EYA4: variants seen among roughly 807,000 people sequenced by gnomAD.
EYA4 encodes the protein protein phosphatase EYA4.
In EYA4, 31 loss-of-function variants were observed where a neutral mutation model predicts 87.9. The observed-to-expected ratio is 0.35, with a 90% confidence interval of 0.27 to 0.48. The LOEUF is 0.48. Ranked by LOEUF, EYA4 falls within the 20% of genes least tolerant of loss-of-function variation. EYA4 has a pLI of 0.99. For synonymous variants in EYA4, 263 were observed against 270.6 expected, an observed-to-expected ratio of 0.97 and a Z score of 0.28; for missense variants, 678 against 761.4, an observed-to-expected ratio of 0.89 and a Z score of 1.29.
At chr6:133,332,764 A>G (rs1017857938) in intron 2 of EYA4, among the ~76,000 whole-genome samples, 4 of 133,738 alleles carry the variant, frequency 3.0e-5, no homozygotes, top group Non-Finnish European at 6.2e-5. Flanking sequence ...GGGTTTCACC[A>G]TGTTGGCCAG....
chr6:133,474,686 G>A (rs1562463257), intron 11 of EYA4, among the ~76,000 whole-genome samples: 1 of 152,030 alleles, frequency 6.6e-6, no homozygotes, highest in Non-Finnish European at 1.5e-5. Flanking sequence ...TGCAGTTTTA[G>A]GTTTAATTTT....
chr6:133,326,716 T>C (rs1450852383), intron 2 of EYA4, among the ~76,000 whole-genome samples: 1 of 152,222 alleles, frequency 6.6e-6, no homozygotes, highest in Non-Finnish European at 1.5e-5. Flanking sequence ...GGACCGATTG[T>C]TCCCCAGAGT....
At chr6:133,428,551 G>A (rs942609361) in intron 3 of EYA4, among the ~76,000 whole-genome samples, 1 of 152,152 alleles carries the variant, frequency 6.6e-6, no homozygotes, top group Non-Finnish European at 1.5e-5. Context: ...AGGTAGACTG[G>A]CCTCAAGAGT....
chr6:133,286,245 T>C (rs1424930765), intron 2 of EYA4, among the ~76,000 whole-genome samples: 3 of 151,988 alleles, frequency 2.0e-5, no homozygotes. Context: ...CTGAGGGGAG[T>C]GTTAACCAAC....
At chr6:133,427,837 A>G (rs1026932277) in intron 3 of EYA4, among the ~76,000 whole-genome samples, 22 of 152,208 alleles carry the variant, frequency 1.4e-4, no homozygotes, top group African/African-American at 4.8e-4. Flanking sequence ...AGCACCTACT[A>G]CTTGGTATAT....
rs561431405 is a variant in EYA4 at position 133,305,896 on chromosome 6, A to G, written c.33+31083A>G. ...TATCAAAGAATAAAATATGTAAGGA[A>G]AGAAGCATATGAAGGACATGTCTGT... On this transcript the variant is annotated intron_variant, in intron 2 of 19. Transcript: ENST00000355286. Among the ~76,000 whole-genome samples the G allele has an allele frequency of 4.6e-5, 7 of 152,340 alleles. No homozygotes were observed. The South Asian group carries it at 1.2e-3, about 27-fold the overall frequency.
intron 2 of EYA4, among the ~76,000 whole-genome samples, chr6:133,350,795 G>T (rs1018907847): frequency 1.3e-5 from 2 of 151,780 alleles, no homozygotes; most frequent in African/African-American, 4.9e-5. Flanking sequence ...TATTTTAAAT[G>T]TTCTATATTT....
At chr6:133,249,705 C>T (rs1774729697) in intron 1 of EYA4, among the ~76,000 whole-genome samples, 1 of 152,172 alleles carries the variant, frequency 6.6e-6, no homozygotes, top group South Asian at 2.1e-4. Context: ...TCTCCCCCTG[C>T]AAATATCTTT....
intron 2 of EYA4, among the ~76,000 whole-genome samples, chr6:133,374,647 C>G (rs1200950179): frequency 6.6e-6 from 1 of 151,904 alleles, no homozygotes; most frequent in Non-Finnish European, 1.5e-5. Context: ...CTCTCACTTT[C>G]ATAGTCAATA....
At chr6:133,428,270 T>G (rs1790852674) in intron 3 of EYA4, among the ~76,000 whole-genome samples, 1 of 152,108 alleles carries the variant, frequency 6.6e-6, no homozygotes, top group Admixed American at 6.5e-5. Context: ...AAATAGTTGT[T>G]GAAAACATAA....
chr6:133,480,759 TTAAAA>T (rs1796138716), intron 11 of EYA4, among the ~76,000 whole-genome samples: 1 of 151,502 alleles, frequency 6.6e-6, no homozygotes, highest in African/African-American at 2.5e-5. Context: ...ATAAAAAACT[TTAAAA>T]TATTATATAA....
intron 17 of EYA4, among the ~76,000 whole-genome samples, chr6:133,516,360 G>A (rs968011969): frequency 7.2e-5 from 11 of 151,850 alleles, no homozygotes; most frequent in Non-Finnish European, 1.6e-4. Flanking sequence ...ACATGCACAT[G>A]TATCCCTGCA....
chr6:133,373,731 A>G (rs1785455887), intron 2 of EYA4, among the ~76,000 whole-genome samples: 1 of 152,138 alleles, frequency 6.6e-6, no homozygotes, highest in Non-Finnish European at 1.5e-5. Flanking sequence ...AAAGAAGACC[A>G]AGATATATGA....
At chr6:133,352,938 A>G (rs1783747865) in intron 2 of EYA4, among the ~76,000 whole-genome samples, 2 of 152,200 alleles carry the variant, frequency 1.3e-5, no homozygotes, top group Non-Finnish European at 2.9e-5. Context: ...TGAAGAGTTG[A>G]TCATCTTGTC....
At chr6:133,262,764 A>T in intron 1 of EYA4, among the ~76,000 whole-genome samples, 1 of 152,192 alleles carries the variant, frequency 6.6e-6, no homozygotes, top group East Asian at 1.9e-4. Flanking sequence ...AGTTAAATGG[A>T]CCGTTTTGCA....
intron 2 of EYA4, among the ~76,000 whole-genome samples, chr6:133,280,404 C>CT (rs1338082556): frequency 6.6e-6 from 1 of 151,986 alleles, no homozygotes; most frequent in Admixed American, 6.6e-5. Flanking sequence ...AATAGTTTTT[C>CT]TTTTTTCTTT....
chr6:133,531,369 C>T lies in EYA4; in HGVS notation c.*2564C>T. On this transcript the variant is annotated 3_prime_UTR_variant, in exon 20 of 20. Transcript: ENST00000355286. Reference sequence around the variant, plus strand: ...CCTTCCCACCTTAGGAATAGAAAATCCTCTTCCTTTCTAATCTGAAAAACG... The same window carrying T: ...CCTTCCCACCTTAGGAATAGAAAATTCTCTTCCTTTCTAATCTGAAAAACG... 4 of 602,460 alleles carry T rather than the reference C, an allele frequency of 6.6e-6. No individual in the cohort carries two copies. Among genetic ancestry groups the T allele is most frequent in the Non-Finnish European group, 8.3e-6 (3 of 359,658 alleles). 37.3% of individuals were successfully genotyped at this position (602,460 alleles called of 1,614,324 possible). A position where few individuals can be genotyped will look rare whatever the true frequency, so the allele number is the denominator to read the frequency against.
At chr6:133,488,169 G>A (rs1796838060) in intron 13 of EYA4, among the ~76,000 whole-genome samples, 1 of 152,176 alleles carries the variant, frequency 6.6e-6, no homozygotes, top group Admixed American at 6.5e-5. Context: ...AAAGGGTAGG[G>A]AAAAGTGGGA....
chr6:133,523,279 T>G, intron 18 of EYA4, 102 bp downstream of exon 18: 1 of 1,252,340 alleles, frequency 8.0e-7, no homozygotes, highest in Non-Finnish European at 1.2e-6. Context: ...GAAACAAATT[T>G]GGATAAAGTT....
Sources: allele counts gnomAD v4.1 joint callset (sites outside exome capture counted in the v4.1 genomes callset), GRCh38; gene constraint gnomAD v4.1.1; transcripts MANE v1.5; gene names NCBI Gene and HGNC (gene_info 2026-07-23, HGNC 2026-07-21).